Variants in PRELID2 observed in about 807,000 individuals in gnomAD.
PRELID2 encodes PRELI domain-containing protein 2.
PRELID2 carries 25 observed loss-of-function variants against 28.4 expected under a neutral mutation model. The ratio of observed to expected loss-of-function variants is 0.88; its 90% confidence interval spans 0.64 to 1.23. The LOEUF (loss-of-function observed/expected upper bound fraction) is 1.23, where lower values mean the gene tolerates loss of function less well. Ranked by LOEUF, PRELID2 falls within the 50% of genes most tolerant of loss-of-function variation. The probability of loss-of-function intolerance (pLI) is 0.00; values close to 1 mark genes in which losing one functional copy is unlikely to be tolerated. For missense variants in PRELID2, 201 were observed against 214.4 expected (o/e 0.94, Z 0.39); for synonymous variants, 76 against 71.6 (o/e 1.06, Z -0.31).
rs1757326767 is a variant in PRELID2, at chr5:145,758,408, T to C, written c.*2128A>G. Among the ~76,000 whole-genome samples the C allele has an allele frequency of 6.6e-6, 1 of 152,176 alleles. No homozygotes were observed. The highest frequency in any genetic ancestry group is 1.5e-5 in the Non-Finnish European group (1 of 68,046). On this transcript the variant is annotated 3_prime_UTR_variant, in exon 7 of 7. Coordinates refer to ENST00000683046, the MANE Select transcript of PRELID2 (RefSeq NM_205846.3). ...TAAAAGTCACTGTAGTGTTCTTAGCTGCCCACTGGAACTACCAAAGGAGTT... is the reference window on the plus strand; with the variant it reads ...TAAAAGTCACTGTAGTGTTCTTAGCCGCCCACTGGAACTACCAAAGGAGTT...
At chr5:145,392,969 T>C in the PRELID2 span, among the ~76,000 whole-genome samples, 1 of 152,180 alleles carries the variant, frequency 6.6e-6, no homozygotes, top group Non-Finnish European at 1.5e-5. Flanking sequence ...AGCTGAGGGC[T>C]TTAATCTCCT....
At chr5:145,765,109 A>G (rs1757668846) in intron 5 of PRELID2, 109 bp from the exon 6 acceptor site, 3 of 721,700 alleles carry the variant, frequency 4.2e-6, no homozygotes, top group Non-Finnish European at 6.7e-6. Context: ...CCATATATTC[A>G]TTTCAACAAA....
intron 1 of PRELID2, among the ~76,000 whole-genome samples, chr5:145,519,149 G>A (rs995594366): frequency 6.6e-6 from 1 of 152,186 alleles, no homozygotes; most frequent in African/African-American, 2.4e-5. Context: ...TATGTTTAAA[G>A]TTATCTAGCA....
chr5:145,799,584 G>A, intron 4 of PRELID2, among the ~76,000 whole-genome samples: 1 of 152,138 alleles, frequency 6.6e-6, no homozygotes, highest in East Asian at 1.9e-4. Context: ...CAGGTAAGGA[G>A]GCGTGAAGGA....
At chr5:145,623,842 A>G (rs903490984) in intron 1 of PRELID2, among the ~76,000 whole-genome samples, 1 of 152,198 alleles carries the variant, frequency 6.6e-6, no homozygotes, top group Non-Finnish European at 1.5e-5. Flanking sequence ...TGGGTGGTCT[A>G]CAATTCAATT....
the PRELID2 span, among the ~76,000 whole-genome samples, chr5:145,254,628 A>G: frequency 2.6e-5 from 4 of 152,130 alleles, no homozygotes; most frequent in Middle Eastern, 3.2e-3. Flanking sequence ...TGAAGAAGTG[A>G]CATTCTGAAC....
At chr5:145,246,245 T>C in the PRELID2 span, among the ~76,000 whole-genome samples, 1 of 152,118 alleles carries the variant, frequency 6.6e-6, no homozygotes, top group African/African-American at 2.4e-5. Context: ...GTATAGCTTC[T>C]GACAGCCTAG....
At chr5:145,321,636 T>C in the PRELID2 span, among the ~76,000 whole-genome samples, 1 of 152,184 alleles carries the variant, frequency 6.6e-6, no homozygotes, top group Admixed American at 6.5e-5. Flanking sequence ...TAAGAGGGAA[T>C]GGAAAGCACT....
chr5:145,421,331 T>G, the PRELID2 span, among the ~76,000 whole-genome samples: 2 of 150,514 alleles, frequency 1.3e-5, no homozygotes, highest in East Asian at 3.9e-4. Flanking sequence ...CTTGTACCTC[T>G]GGTAGAATTC....
intron 1 of PRELID2, among the ~76,000 whole-genome samples, chr5:145,699,024 G>A (rs540913554): frequency 5.4e-4 from 83 of 152,304 alleles, no homozygotes; most frequent in African/African-American, 1.9e-3. Context: ...ACCGCACCTG[G>A]CCAGCCTCAC....
chr5:145,787,275 A>G (rs1752057508), intron 5 of PRELID2, among the ~76,000 whole-genome samples: 2 of 152,210 alleles, frequency 1.3e-5, no homozygotes, highest in South Asian at 2.1e-4. Context: ...GCATAACAAG[A>G]CTGTTATCAC....
intron 1 of PRELID2, among the ~76,000 whole-genome samples, chr5:145,522,967 A>G (rs1483647551): frequency 6.6e-6 from 1 of 152,206 alleles, no homozygotes; most frequent in Non-Finnish European, 1.5e-5. Context: ...ATTATGTATA[A>G]ACCCTTTAAA....
At chr5:145,602,394 G>A (rs574906231) in intron 1 of PRELID2, among the ~76,000 whole-genome samples, 7 of 152,166 alleles carry the variant, frequency 4.6e-5, no homozygotes, top group Non-Finnish European at 8.8e-5. Flanking sequence ...TAGAACTAAA[G>A]TTACTTCTAC....
chr5:145,464,849 A>G, the PRELID2 span, among the ~76,000 whole-genome samples: 1 of 152,064 alleles, frequency 6.6e-6, no homozygotes, highest in Non-Finnish European at 1.5e-5. Flanking sequence ...GATATATGAA[A>G]TCCATGGATT....
At chr5:145,656,618 T>C (rs567053216) in intron 1 of PRELID2, among the ~76,000 whole-genome samples, 1 of 152,004 alleles carries the variant, frequency 6.6e-6, no homozygotes, top group Non-Finnish European at 1.5e-5. Context: ...TGGATGAAGC[T>C]GGAAACCATC....
chr5:145,448,846 T>A, the PRELID2 span, among the ~76,000 whole-genome samples: 1 of 152,162 alleles, frequency 6.6e-6, no homozygotes, highest in South Asian at 2.1e-4. Flanking sequence ...AAGAGCTAAA[T>A]AAATATTCAT....
the PRELID2 span, among the ~76,000 whole-genome samples, chr5:145,278,362 G>C: frequency 6.6e-6 from 1 of 152,154 alleles, no homozygotes; most frequent in Non-Finnish European, 1.5e-5. Context: ...CTGCAATCAA[G>C]ATGTTAGCCA....
chr5:145,825,224 T>TCAAAAAA (rs1561654780), intron 1 of PRELID2, among the ~76,000 whole-genome samples: 16 of 13,138 alleles, frequency 1.2e-3, no homozygotes, highest in African/African-American at 2.6e-3. Context: ...AGACTCTGTC[T>TCAAAAAA]CAAAAAAAAA....
At chr5:145,602,561 T>C (rs1040097688) in intron 1 of PRELID2, among the ~76,000 whole-genome samples, 1 of 151,882 alleles carries the variant, frequency 6.6e-6, no homozygotes, top group Non-Finnish European at 1.5e-5. Context: ...GCTATGTTTA[T>C]CACAGTAAAG....
Sources: allele counts gnomAD v4.1 joint callset (sites outside exome capture counted in the v4.1 genomes callset), GRCh38; gene constraint gnomAD v4.1.1; transcripts MANE v1.5; gene names NCBI Gene and HGNC (gene_info 2026-07-23, HGNC 2026-07-21).